ATP6V0A1: variants seen among roughly 807,000 people sequenced by gnomAD.
ATP6V0A1 encodes V-type proton ATPase 116 kDa subunit a 1.
In ATP6V0A1, 43 loss-of-function variants were observed where a neutral mutation model predicts 105.4. That is an observed-to-expected ratio of 0.41 (90% CI 0.32 to 0.53). The LOEUF is 0.53. Ranked by LOEUF, ATP6V0A1 falls within the 20% of genes least tolerant of loss-of-function variation. The pLI is 0.30. For missense variants in ATP6V0A1, 676 were observed against 1,051.1 expected (o/e 0.64, Z 4.93); for synonymous variants, 362 against 372.8 (o/e 0.97, Z 0.33).
chr17:42,502,121 G>C (rs1183660542), intron 17 of ATP6V0A1, among the ~76,000 whole-genome samples: 1 of 152,222 alleles, frequency 6.6e-6, no homozygotes, highest in Non-Finnish European at 1.5e-5. Flanking sequence ...CATGTCTGCT[G>C]CTCAAGATAT....
intron 2 of ATP6V0A1, among the ~76,000 whole-genome samples, chr17:42,463,936 A>T (rs1277449680): frequency 6.6e-6 from 1 of 152,222 alleles, no homozygotes; most frequent in African/African-American, 2.4e-5. Flanking sequence ...AACTGTATTT[A>T]CTGAAAGTGG....
chr17:42,494,010 G>A (rs548912123), intron 11 of ATP6V0A1, among the ~76,000 whole-genome samples: 3 of 152,196 alleles, frequency 2.0e-5, no homozygotes, highest in East Asian at 3.9e-4. Context: ...TTGGGAGGCC[G>A]AGGCAGGTGG....
intron 3 of ATP6V0A1, 56 bp from the exon 4 acceptor site, chr17:42,467,954 A>G: frequency 1.6e-6 from 2 of 1,224,956 alleles, no homozygotes; most frequent in South Asian, 3.0e-5. Flanking sequence ...TCCTTAAATA[A>G]TGGCAATTAC....
At chr17:42,495,841 A>C in intron 14 of ATP6V0A1, 125 bp downstream of exon 14, 1 of 818,836 alleles carries the variant, frequency 1.2e-6, no homozygotes, top group Non-Finnish European at 2.0e-6. Flanking sequence ...CATGCCTGTA[A>C]TCCCAGCACT....
chr17:42,494,561 T>A, intron 12 of ATP6V0A1, 88 bp downstream of exon 12: 1 of 1,437,714 alleles, frequency 7.0e-7, no homozygotes, highest in East Asian at 2.3e-5. Context: ...AAGTCTTTTA[T>A]CCATGAATTT....
chr17:42,487,214 C>G lies in ATP6V0A1; in HGVS notation c.870C>G (p.Ile290Met). ...QRVLQAAAKN[I>M]RVWFIKVRKM... ...TTCTGCAGGCAGCTGCTAAGAACAT[C>G]CGTGTCTGGTTCATCAAAGTGCGGA... The change falls in exon 10 of 22, where the codon ATC (isoleucine) becomes ATG (methionine). Residue 290 changes from isoleucine to methionine, a missense_variant. Around this residue, in one of 3 missense-constraint regions of ATP6V0A1, gnomAD observed 239 missense variants for 388.4 expected, o/e 0.62. Transcript: ENST00000343619. 1 of 1,614,176 alleles carries G rather than the reference C, an allele frequency of 6.2e-7. No homozygotes were observed. The highest frequency in any genetic ancestry group is 1.1e-5 in the South Asian group (1 of 91,084).
chr17:42,518,107 A>G (rs1288599143), intron 21 of ATP6V0A1: 1 of 152,250 alleles, frequency 6.6e-6, no homozygotes, highest in East Asian at 1.9e-4. Context: ...TCTTCCTCAG[A>G]GAAGGCATGA....
chr17:42,484,291 G>A (rs1252228056), intron 9 of ATP6V0A1, among the ~76,000 whole-genome samples: 3 of 151,852 alleles, frequency 2.0e-5, no homozygotes, highest in South Asian at 2.1e-4. Context: ...TCTCCTGACC[G>A]TGTGATCTGC....
At chr17:42,467,982 C>G in intron 3 of ATP6V0A1, 28 bp from the exon 4 acceptor site, 1 of 1,511,652 alleles carries the variant, frequency 6.6e-7, no homozygotes, top group Non-Finnish European at 9.1e-7. Flanking sequence ...TGCAGTTAGA[C>G]ATGAATGTTT....
rs1229357159 is a variant in ATP6V0A1, at chr17:42,499,001, C to T, written c.1638C>T (p.Ile546=). 6.2e-7 allele frequency: 1 copy of T among 1,613,450 alleles called. No individual in the cohort carries two copies. The highest frequency in any genetic ancestry group is 2.2e-5 in the East Asian group (1 of 44,864). ...AGATGTCTGTTATCCTTGGTATCATCCATATGCTGTTTGGAGTCAGCCTGA... is the reference window on the plus strand; with the variant it reads ...AGATGTCTGTTATCCTTGGTATCATTCATATGCTGTTTGGAGTCAGCCTGA... The part of the protein sequence containing the change: ...KMKMSVILGI[I]HMLFGVSLSL... The change falls in exon 15 of 22, where the codon ATC becomes ATT. Residue 546 remains isoleucine, a synonymous_variant. Transcript: ENST00000343619.
rs75153756 is a variant in ATP6V0A1, at chr17:42,501,083, T to G, written c.1897-114T>G. 3,283 of 1,155,228 alleles carry G rather than the reference T, an allele frequency of 2.8e-3. 75 individuals are homozygous for G. In the African/African-American group the frequency reaches 0.045, roughly 16 times the overall value. The allele number at this position is 1,155,228 out of a possible 1,614,324, so 71.6% of individuals were successfully genotyped here. On this transcript the variant is annotated intron_variant, in intron 16 of 21. Transcript: ENST00000343619. ...TATTTTGAGAAATTGGATAGTGTTA[T>G]TCATAGATTAGTAAGAAAGTACTGT...
chr17:42,495,910 TA>T (rs1032048144), intron 14 of ATP6V0A1, 194 bp downstream of exon 14: 104 of 502,282 alleles, frequency 2.1e-4, no homozygotes, highest in Non-Finnish European at 2.9e-4. Flanking sequence ...CTATCTCTAC[TA>T]AAAATAAAAT....
In ATP6V0A1 at chr17:42,478,570, C is replaced by G; in HGVS notation, c.614C>G (p.Pro205Arg). The change falls in exon 7 of 22, where the codon CCC (proline) becomes CGC (arginine). Residue 205 changes from proline (P) to arginine (R), a missense_variant. Physicochemically the swap from Pro to Arg is moderately radical, Grantham distance 103 (BLOSUM62 -2). Transcript: ENST00000343619. ...VFLRQAEIENPLEDPVTGDYV... is the reference protein window; with the variant it reads ...VFLRQAEIENRLEDPVTGDYV... ...CTGCGACAGGCTGAAATCGAGAACCCCCTGGAGGATCCTGTGACTGTAAGA... is the reference window on the plus strand; with the variant it reads ...CTGCGACAGGCTGAAATCGAGAACCGCCTGGAGGATCCTGTGACTGTAAGA... The G allele has an allele frequency of 6.3e-7, 1 of 1,590,484 alleles. No homozygotes were observed. The highest frequency in any genetic ancestry group is 8.6e-7 in the Non-Finnish European group (1 of 1,165,676).
At chr17:42,488,580 T>C (rs1598884160) in intron 10 of ATP6V0A1, among the ~76,000 whole-genome samples, 1 of 152,082 alleles carries the variant, frequency 6.6e-6, no homozygotes, top group East Asian at 1.9e-4. Flanking sequence ...TAAGCAATCC[T>C]CCCACTTCAG....
chr17:42,480,544 G>A, intron 7 of ATP6V0A1, 123 bp from the exon 8 acceptor site: 1 of 767,998 alleles, frequency 1.3e-6, no homozygotes, highest in South Asian at 2.1e-5. Flanking sequence ...TGGTTAAAAT[G>A]CAGGACTGCC....
In ATP6V0A1 at chr17:42,475,762, C is replaced by G. The variant is rs545837295; in HGVS notation, c.424-1898C>G. On this transcript the variant is annotated intron_variant, in intron 5 of 21. Coordinates refer to ENST00000343619, the MANE Select transcript of ATP6V0A1 (RefSeq NM_001130021.3). ...TTACTTAAAAATTTGTAACTTTTCT[C>G]TCTAAGATAGAATTCTTAAGTATGA... Among the ~76,000 whole-genome samples, 42 of 152,322 alleles carry G rather than the reference C, an allele frequency of 2.8e-4. 2 individuals carry two copies. In the South Asian group the frequency reaches 8.1e-3, roughly 29 times the overall value.
At chr17:42,490,269 T>G (rs1032224929) in intron 10 of ATP6V0A1, among the ~76,000 whole-genome samples, 2 of 152,232 alleles carry the variant, frequency 1.3e-5, no homozygotes, top group East Asian at 3.8e-4. Context: ...TCTTCCATTA[T>G]AAATGTTATA....
chr17:42,477,046 A>T (rs1269840146), intron 5 of ATP6V0A1, among the ~76,000 whole-genome samples: 1 of 152,174 alleles, frequency 6.6e-6, no homozygotes, highest in Non-Finnish European at 1.5e-5. Flanking sequence ...TCTGAATTTT[A>T]AAGGGGCTGG....
At chr17:42,468,167 C>A in intron 4 of ATP6V0A1, 60 bp downstream of exon 4, 4 of 1,182,950 alleles carry the variant, frequency 3.4e-6, no homozygotes, top group Non-Finnish European at 4.8e-6. Flanking sequence ...AAATTACTTT[C>A]CTGAGCAGAT....
Sources: allele counts gnomAD v4.1 joint callset (sites outside exome capture counted in the v4.1 genomes callset), GRCh38; gene constraint gnomAD v4.1.1; regional missense constraint gnomAD v4.1.1; transcripts MANE v1.5; gene names NCBI Gene and HGNC (gene_info 2026-07-23, HGNC 2026-07-21).